HHLA2: variants seen among roughly 807,000 people sequenced by gnomAD.
HHLA2 encodes HHLA2 member of B7 family.
Under a neutral mutation model 45.9 loss-of-function variants are expected in HHLA2, and 48 were observed. That is an observed-to-expected ratio of 1.05 (90% CI 0.83 to 1.33). The LOEUF is 1.33. Among genes scored for constraint, HHLA2 ranks in the 40% most tolerant of loss-of-function variants. The probability of loss-of-function intolerance (pLI) is 0.00; values close to 1 mark genes in which losing one functional copy is unlikely to be tolerated. For missense variants in HHLA2, 462 were observed against 494.3 expected, an observed-to-expected ratio of 0.93 and a Z score of 0.62; for synonymous variants, 161 against 173.9, an observed-to-expected ratio of 0.93 and a Z score of 0.59.
At chr3:108,368,534 G>GAAAAA (rs1560276081) in intron 8 of HHLA2, among the ~76,000 whole-genome samples, 2 of 12,054 alleles carry the variant, frequency 1.7e-4, no homozygotes, top group East Asian at 7.8e-3. Flanking sequence ...CAAACGAAGA[G>GAAAAA]CAAAAAAAAA....
chr3:108,302,401 C>T (rs1487049524), intron 1 of HHLA2: 1 of 152,234 alleles, frequency 6.6e-6, no homozygotes, highest in Non-Finnish European at 1.5e-5. Flanking sequence ...TAACATCTCT[C>T]TCAACATTTT....
chr3:108,365,331 C>G (rs945005728), intron 8 of HHLA2, among the ~76,000 whole-genome samples: 2 of 151,968 alleles, frequency 1.3e-5, no homozygotes, highest in Admixed American at 6.6e-5. Flanking sequence ...ATTTCTGAGG[C>G]CTGTGTTCTG....
chr3:108,355,051 A>G (rs1325232851), intron 5 of HHLA2, 64 bp from the exon 5 acceptor site: 2 of 1,497,390 alleles, frequency 1.3e-6, no homozygotes, highest in African/African-American at 2.8e-5. Context: ...AGTATTCTGC[A>G]CAGACGGCCT....
Position 108,301,187 on chromosome 3 carries a change from A to AC in HHLA2, c.-192+4588_-192+4589insC, listed in dbSNP as rs563888248. Among the ~76,000 whole-genome samples, 491 of 152,310 alleles carry AC rather than the reference A, an allele frequency of 3.2e-3. 4 individuals carry two copies. The highest frequency in any genetic ancestry group is 0.019 in the South Asian group (93 of 4,828). ...TAGCGTTTTATTTTATATGCAAAACATTATATCCTAAGTGTGCTTTGTAGA... is the reference window on the plus strand; with the variant it reads ...TAGCGTTTTATTTTATATGCAAAACACTTATATCCTAAGTGTGCTTTGTAGA... On this transcript the variant is annotated intron_variant, in intron 1 of 10. Transcript: ENST00000619531.
chr3:108,320,872 C>T (rs2081187418), intron 2 of HHLA2, among the ~76,000 whole-genome samples: 1 of 152,008 alleles, frequency 6.6e-6, no homozygotes, highest in African/African-American at 2.4e-5. Flanking sequence ...ACCACGTGAT[C>T]AGTGGGAGTG....
intron 5 of HHLA2, 81 bp from the exon 5 acceptor site, chr3:108,355,034 A>G (rs982254094): frequency 2.1e-6 from 3 of 1,397,112 alleles, no homozygotes; most frequent in Non-Finnish European, 2.9e-6. Context: ...TTTCATGGAT[A>G]TTAAAAAGTA....
intron 7 of HHLA2, among the ~76,000 whole-genome samples, chr3:108,360,833 T>C (rs2081973619): frequency 6.6e-6 from 1 of 152,228 alleles, no homozygotes; most frequent in Non-Finnish European, 1.5e-5. Context: ...TAAAGCGGAC[T>C]CCTGCGTGGA....
chr3:108,376,983 C>T, intron 10 of HHLA2: 1 of 403,438 alleles, frequency 2.5e-6, no homozygotes, highest in Non-Finnish European at 4.5e-6. Context: ...TTATGTGTTC[C>T]ATTAATCAGA....
At chr3:108,324,467 A>G (rs905356323) in intron 2 of HHLA2, among the ~76,000 whole-genome samples, 2 of 152,050 alleles carry the variant, frequency 1.3e-5, no homozygotes, top group Non-Finnish European at 2.9e-5. Context: ...AGCTAAATGA[A>G]TCAACACAAA....
intron 3 of HHLA2, among the ~76,000 whole-genome samples, chr3:108,336,210 A>G (rs1470552714): frequency 6.6e-6 from 1 of 152,176 alleles, no homozygotes; most frequent in Non-Finnish European, 1.5e-5. Flanking sequence ...AGTTAGCCTT[A>G]TGACATTGTG....
At chr3:108,355,140 T>C (rs2081861338) in exon 6 of HHLA2, 2 of 1,613,254 alleles carry the variant, frequency 1.2e-6, no homozygotes, top group African/African-American at 1.3e-5. Context: ...TGATGAAGTA[T>C]GAAAAGAGGA....
At chr3:108,307,899 A>G (rs962890983) in intron 1 of HHLA2, among the ~76,000 whole-genome samples, 1 of 152,114 alleles carries the variant, frequency 6.6e-6, no homozygotes, top group African/African-American at 2.4e-5. Context: ...CATAACAGGT[A>G]TATATATGTA....
Position 108,375,735 on chromosome 3 carries a change from G to C in HHLA2, c.1109-15G>C, listed in dbSNP as rs777291882. On this transcript the variant is annotated splice_polypyrimidine_tract_variant and intron_variant, in intron 8 of 10. Transcript: ENST00000619531. ...TAAATACCTAATTTCACTCTTCCCT[G>C]TCTCTGATCTACAGCCCAGCTAGAA... The C allele has an allele frequency of 1.9e-6, 3 of 1,609,216 alleles. No individual in the cohort carries two copies. The highest frequency in any genetic ancestry group is 2.5e-6 in the Non-Finnish European group (3 of 1,176,936).
chr3:108,362,354 A>C (rs1340776264), exon 8 of HHLA2: 1 of 1,611,590 alleles, frequency 6.2e-7, no homozygotes, highest in Admixed American at 1.7e-5. Context: ...CCGAGCCAAG[A>C]AACAGCTTCC....
chr3:108,323,923 C>T lies in HHLA2; in HGVS notation c.-104-4347C>T, dbSNP rs977139935. ...CATGGGTATCCATTTAAAATAAAAG[C>T]CACTTTTCTTTTCTTATTGCTTGTG... On this transcript the variant is annotated intron_variant, in intron 2 of 10. Coordinates refer to ENST00000619531, the Ensembl canonical transcript of HHLA2. Among the ~76,000 whole-genome samples the T allele has an allele frequency of 1.5e-4, 23 of 152,226 alleles. 1 individual carries two copies. Among genetic ancestry groups the T allele is most frequent in the East Asian group, 3.9e-4 (2 of 5,182 alleles).
intron 2 of HHLA2, among the ~76,000 whole-genome samples, chr3:108,313,566 A>G (rs2081055485): frequency 6.6e-6 from 1 of 152,156 alleles, no homozygotes; most frequent in Non-Finnish European, 1.5e-5. Context: ...TCTCTGCTTC[A>G]GAGCTCTTTG....
intron 6 of HHLA2, 113 bp downstream of exon 5, chr3:108,355,494 G>A: frequency 7.9e-7 from 1 of 1,268,076 alleles, no homozygotes; most frequent in South Asian, 1.5e-5. Flanking sequence ...AAATCCATCT[G>A]CAGCGGTTAG....
intron 3 of HHLA2, among the ~76,000 whole-genome samples, chr3:108,332,370 T>C (rs1202942725): frequency 2.6e-5 from 4 of 152,200 alleles, no homozygotes; most frequent in Non-Finnish European, 2.9e-5. Flanking sequence ...AAATTTTCCA[T>C]AACAGTAAAA....
At chr3:108,301,256 A>G (rs1369352515) in intron 1 of HHLA2, among the ~76,000 whole-genome samples, 3 of 152,128 alleles carry the variant, frequency 2.0e-5, no homozygotes, top group Non-Finnish European at 4.4e-5. Context: ...TTAGTGTTGC[A>G]TGCTCTGACA....
Sources: allele counts gnomAD v4.1 joint callset (sites outside exome capture counted in the v4.1 genomes callset), GRCh38; gene constraint gnomAD v4.1.1; transcripts MANE v1.5; gene names NCBI Gene and HGNC (gene_info 2026-07-23, HGNC 2026-07-21).